Variants in HMCN2 observed in about 807,000 individuals in gnomAD.
HMCN2 encodes the protein hemicentin 2.
In HMCN2, 325 loss-of-function variants were observed where a neutral mutation model predicts 377.5. The observed-to-expected ratio is 0.86, with a 90% confidence interval of 0.79 to 0.94. The LOEUF is 0.94. Among genes scored for constraint, HMCN2 ranks in the 40% least tolerant of loss-of-function variants. HMCN2 has a pLI of 0.00. For missense variants in HMCN2, 4,543 were observed against 4,725.3 expected, an observed-to-expected ratio of 0.96 and a Z score of 1.13; for synonymous variants, 2,007 against 2,046.8, an observed-to-expected ratio of 0.98 and a Z score of 0.53.
intron 23 of HMCN2, among the ~76,000 whole-genome samples, chr9:130,340,239 G>A (rs1838974861): frequency 6.6e-6 from 1 of 152,256 alleles, no homozygotes; most frequent in Non-Finnish European, 1.5e-5. Flanking sequence ...CAGCGGTGAT[G>A]CCCAGCTGGA....
chr9:130,274,993 G>T (rs1032697087), intron 1 of HMCN2, among the ~76,000 whole-genome samples: 1 of 152,198 alleles, frequency 6.6e-6, no homozygotes, highest in Admixed American at 6.5e-5. Flanking sequence ...CTTTGTTAAA[G>T]TATAGGAGCA....
intron 94 of HMCN2, 110 bp from the exon 95 acceptor site, chr9:130,430,174 G>A (rs1349958036): frequency 2.2e-6 from 2 of 918,906 alleles, no homozygotes; most frequent in Non-Finnish European, 3.2e-6. Flanking sequence ...CATGGGAGTG[G>A]CTGGATTCTA....
rs1842442730 is a variant in HMCN2, at chr9:130,393,586, G to C, written c.10235-156G>C. Among the ~76,000 whole-genome samples, 1 of 152,210 alleles carries C rather than the reference G, an allele frequency of 6.6e-6. No individual in the cohort carries two copies. Among genetic ancestry groups the C allele is most frequent in the Non-Finnish European group, 1.5e-5 (1 of 68,024 alleles). On this transcript the variant is annotated intron_variant, in intron 67 of 97. Coordinates refer to ENST00000683500, the MANE Select transcript of HMCN2 (RefSeq NM_001291815.2). The surrounding 1 kb of genome is among the most constrained non-coding windows in gnomAD (Gnocchi z 5.2). Reference sequence around the variant, plus strand: ...AATTCCAGGGAACTAGTGACACCAGGGGATGGAGAGGATGCTGTGGGAGCA... The same window carrying C: ...AATTCCAGGGAACTAGTGACACCAGCGGATGGAGAGGATGCTGTGGGAGCA...
intron 86 of HMCN2, among the ~76,000 whole-genome samples, chr9:130,421,575 G>A (rs1338604280): frequency 1.3e-5 from 2 of 152,112 alleles, no homozygotes; most frequent in Non-Finnish European, 2.9e-5. Flanking sequence ...CCCTTCCAAA[G>A]CTGCGCGGGT....
chr9:130,301,110 C>T (rs1428313655), intron 8 of HMCN2, among the ~76,000 whole-genome samples: 1 of 152,214 alleles, frequency 6.6e-6, no homozygotes, highest in Non-Finnish European at 1.5e-5. Context: ...CCCATCGTGC[C>T]TACAGTGCCC....
chr9:130,288,881 T>C (rs1255866096), intron 4 of HMCN2, among the ~76,000 whole-genome samples: 1 of 152,212 alleles, frequency 6.6e-6, no homozygotes, highest in Non-Finnish European at 1.5e-5. Context: ...GGAGCTTTTA[T>C]AATCCTTAAA....
chr9:130,432,514 C>T lies in HMCN2; in HGVS notation c.14853C>T (p.Asp4951=). 6.4e-7 allele frequency: 1 copy of T among 1,550,668 alleles called. No individual in the cohort carries two copies. The highest frequency in any genetic ancestry group is 8.7e-7 in the Non-Finnish European group (1 of 1,147,020). Reference sequence around the variant, plus strand: ...CCCGTGGCAGCTACCAGTGTGTGGACACACCCTGTCCTGCCACCTACCGGC... The same window carrying T: ...CCCGTGGCAGCTACCAGTGTGTGGATACACCCTGTCCTGCCACCTACCGGC... ...FNTRGSYQCV[D]TPCPATYRQG... The change falls in exon 97 of 98, where the codon GAC becomes GAT. Residue 4951 remains aspartate (D), a synonymous_variant. Coordinates refer to ENST00000683500, the MANE Select transcript of HMCN2 (RefSeq NM_001291815.2).
chr9:130,365,979 C>G lies in HMCN2; in HGVS notation c.6609C>G (p.Ile2203Met), dbSNP rs887589090. 40 of 985,922 alleles carry G rather than the reference C, an allele frequency of 4.1e-5. No homozygotes were observed. The highest frequency in any genetic ancestry group is 1.8e-4 in the Admixed American group (3 of 16,272). 61.1% of individuals were successfully genotyped at this position (985,922 alleles called of 1,614,324 possible). The change falls in exon 43 of 98, where the codon ATC (isoleucine) becomes ATG (methionine). Residue 2203 changes from isoleucine (I) to methionine (M), a missense_variant. Ile to Met is a conservative substitution (Grantham distance 10, BLOSUM62 1). Around this residue, in one of 5 missense-constraint regions of HMCN2, gnomAD observed 1,032 missense variants for 1,285.1 expected, o/e 0.80. Coordinates refer to ENST00000683500, the MANE Select transcript of HMCN2 (RefSeq NM_001291815.2). ...GCCGGGGTGTCCCCTTCCCCAAGAT[C>G]TCCTGGAGGAAGGACGGTAGGATTG... Reference protein sequence around the residue: ...CECRGVPFPKISWRKDGQPLP... With the variant: ...CECRGVPFPKMSWRKDGQPLP...
chr9:130,403,869 G>C lies in HMCN2; in HGVS notation c.12142G>C (p.Val4048Leu). 1.6e-6 allele frequency: 2 copies of C among 1,289,438 alleles called. No individual in the cohort carries two copies. Among genetic ancestry groups the C allele is most frequent in the Non-Finnish European group, 2.0e-6 (2 of 988,566 alleles). 79.9% of individuals were successfully genotyped at this position (1,289,438 alleles called of 1,614,324 possible). A position where few individuals can be genotyped will look rare whatever the true frequency, so the allele number is the denominator to read the frequency against. The change falls in exon 80 of 98, where the codon GTG becomes CTG. Residue 4048 changes from valine (V) to leucine (L), a missense_variant. Coordinates refer to ENST00000683500, the MANE Select transcript of HMCN2 (RefSeq NM_001291815.2). ...GSAMGKTRLV[V>L]QVPPVIENGL... ...TGCCATGGGGAAGACGCGGCTGGTG[G>C]TGCAAGGTGGGAGTGAGGACGGGGC...
chr9:130,330,883 A>G (rs899731671), intron 22 of HMCN2, among the ~76,000 whole-genome samples: 3 of 151,476 alleles, frequency 2.0e-5, no homozygotes, highest in Non-Finnish European at 2.9e-5. Context: ...TAATCCCAGC[A>G]CTTTGGGAAG....
At chr9:130,418,338 A>G (rs914008675) in intron 85 of HMCN2, among the ~76,000 whole-genome samples, 1 of 152,170 alleles carries the variant, frequency 6.6e-6, no homozygotes, top group Non-Finnish European at 1.5e-5. Context: ...AGGCGGGTGG[A>G]TCACTTGAGG....
At chr9:130,310,425 C>T (rs1412685250) in intron 15 of HMCN2, among the ~76,000 whole-genome samples, 2 of 152,182 alleles carry the variant, frequency 1.3e-5, no homozygotes, top group Non-Finnish European at 2.9e-5. Flanking sequence ...CCTAGGGGAT[C>T]CACTCTAGGC....
intron 1 of HMCN2, among the ~76,000 whole-genome samples, chr9:130,272,931 G>A (rs1383069796): frequency 6.6e-6 from 1 of 152,144 alleles, no homozygotes; most frequent in Admixed American, 6.5e-5. Flanking sequence ...ATGACATGTA[G>A]AAAAACTTGT....
chr9:130,331,536 G>A (rs1838428058), intron 22 of HMCN2, among the ~76,000 whole-genome samples: 1 of 151,526 alleles, frequency 6.6e-6, no homozygotes, highest in Non-Finnish European at 1.5e-5. Context: ...GTGAGGTCAG[G>A]TGGCAGAAGA....
chr9:130,319,913 C>G (rs933859236), intron 16 of HMCN2, among the ~76,000 whole-genome samples: 2 of 152,168 alleles, frequency 1.3e-5, no homozygotes, highest in Admixed American at 6.5e-5. Flanking sequence ...TACTACCCAC[C>G]TGGCTGATTA....
At chr9:130,335,549 G>T (rs1838699994) in intron 22 of HMCN2, among the ~76,000 whole-genome samples, 1 of 152,086 alleles carries the variant, frequency 6.6e-6, no homozygotes, top group Non-Finnish European at 1.5e-5. Context: ...CTGGGGATTT[G>T]TGTCACACTA....
Position 130,290,213 on chromosome 9 carries a change from CAAT to C in HMCN2, c.612+3904_612+3906del, listed in dbSNP as rs545183228. ...GCCCTGGCACCACAGGTCTAGAAGG[CAAT>C]GTCCCCAGGCCTGGCCCTACAGGGG... On this transcript the variant is annotated intron_variant, in intron 4 of 97. Coordinates refer to ENST00000683500, the MANE Select transcript of HMCN2 (RefSeq NM_001291815.2). 3.2e-3 allele frequency among the ~76,000 whole-genome samples: 492 copies of C among 152,338 alleles called. 3 individuals carry two copies. The highest frequency in any genetic ancestry group is 4.0e-3 in the Non-Finnish European group (269 of 68,026).
At chr9:130,430,688 C>T (rs570231396) in intron 95 of HMCN2, 84 bp downstream of exon 95, 10 of 1,328,056 alleles carry the variant, frequency 7.5e-6, no homozygotes, top group South Asian at 3.1e-5. Context: ...TGTCACCCAC[C>T]GAGTTCAGAA....
Position 130,375,615 on chromosome 9 carries a change from C to G in HMCN2, c.7683C>G (p.Thr2561=). The G allele has an allele frequency of 1.1e-5, 11 of 985,844 alleles. No homozygotes were observed. The highest frequency in any genetic ancestry group is 1.3e-5 in the Non-Finnish European group (11 of 829,950). 61.1% of individuals were successfully genotyped at this position (985,844 alleles called of 1,614,324 possible). ...AGGACAGTGCAGATGAGGAGGTGACCGTGACTGTCAACAACCCCATCTCTC... is the reference window on the plus strand; with the variant it reads ...AGGACAGTGCAGATGAGGAGGTGACGGTGACTGTCAACAACCCCATCTCTC... The part of the protein sequence containing the change: ...GAEDSADEEV[T]VTVNNPISLI... Residue 2561 remains threonine (T), a synonymous_variant, in exon 50 of 98, where the codon ACC becomes ACG. Transcript: ENST00000683500.
Sources: allele counts gnomAD v4.1 joint callset (sites outside exome capture counted in the v4.1 genomes callset), GRCh38; gene constraint gnomAD v4.1.1; regional missense constraint gnomAD v4.1.1; non-coding constraint Gnocchi (gnomAD v3.1); transcripts MANE v1.5; gene names NCBI Gene and HGNC (gene_info 2026-07-23, HGNC 2026-07-21).